The following ADAP1 variants were observed in gnomAD, a reference collection of about 807,000 sequenced individuals.
The protein encoded by ADAP1 is ArfGAP with dual PH domains 1, also known as arf-GAP with dual PH domain-containing protein 1.
ADAP1 carries 31 observed loss-of-function variants against 54.9 expected under a neutral mutation model. That is an observed-to-expected ratio of 0.56 (90% CI 0.42 to 0.76). ADAP1 has a LOEUF of 0.76. Among genes scored for constraint, ADAP1 ranks in the 30% least tolerant of loss-of-function variants. The probability of loss-of-function intolerance (pLI) is 0.00; values close to 1 mark genes in which losing one functional copy is unlikely to be tolerated. For synonymous variants in ADAP1, 313 were observed against 202.6 expected, an observed-to-expected ratio of 1.55 and a Z score of -4.63; for missense variants, 535 against 512.4, an observed-to-expected ratio of 1.04 and a Z score of -0.42.
chr7:935,649 C>T, intron 1 of ADAP1, 144 bp from the exon 2 acceptor site: 3 of 1,034,550 alleles, frequency 2.9e-6, no homozygotes, highest in South Asian at 1.7e-5. Context: ...CTCCGTGCGC[C>T]CCACAGGCAC....
chr7:935,245 C>A, intron 2 of ADAP1, 130 bp downstream of exon 2: 1 of 1,338,402 alleles, frequency 7.5e-7, no homozygotes, highest in Admixed American at 2.1e-5. Flanking sequence ...CGGGTCCAGC[C>A]AGCCAGGCCC....
chr7:908,001 G>C (rs1331851874), intron 4 of ADAP1, among the ~76,000 whole-genome samples: 1 of 152,172 alleles, frequency 6.6e-6, no homozygotes, highest in Non-Finnish European at 1.5e-5. Flanking sequence ...GGGGCCGTCT[G>C]CTGAGCATCC....
In ADAP1 at chr7:901,079, G is replaced by A. The variant is rs1029897452; in HGVS notation, c.649-463C>T. The A allele has an allele frequency of 6.4e-6, 3 of 469,448 alleles. 1 individual carries two copies. The highest frequency in any genetic ancestry group is 3.1e-5 in the South Asian group (2 of 64,486). 29.1% of individuals were successfully genotyped at this position (469,448 alleles called of 1,614,324 possible). A position where few individuals can be genotyped will look rare whatever the true frequency, so the allele number is the denominator to read the frequency against. ...GGCTCATCTGTTTATAAACGCCCTT[G>A]GAGCTGTGGCCCCTACCGAGAGTGG... On this transcript the variant is annotated intron_variant, in intron 6 of 10. Coordinates refer to ENST00000265846, the MANE Select transcript of ADAP1 (RefSeq NM_006869.4).
At chr7:941,215 G>T (rs574847988) in intron 1 of ADAP1, among the ~76,000 whole-genome samples, 2 of 152,322 alleles carry the variant, frequency 1.3e-5, no homozygotes, top group Non-Finnish European at 2.9e-5. Flanking sequence ...ATTCAAGGGA[G>T]AATGACTGAC....
At chr7:937,776 C>G (rs1422730087) in intron 1 of ADAP1, among the ~76,000 whole-genome samples, 3 of 149,140 alleles carry the variant, frequency 2.0e-5, no homozygotes, top group Admixed American at 6.7e-5. Flanking sequence ...CGCTGCACAT[C>G]TGGGATTTGG....
chr7:908,260 C>T (rs1845563059), intron 4 of ADAP1, among the ~76,000 whole-genome samples: 1 of 152,212 alleles, frequency 6.6e-6, no homozygotes, highest in Non-Finnish European at 1.5e-5. Context: ...AAGCCCCCTG[C>T]TCCCCAGCAT....
chr7:921,004 G>T, intron 3 of ADAP1: 1 of 769,450 alleles, frequency 1.3e-6, no homozygotes, highest in Admixed American at 2.6e-5. Flanking sequence ...GTCCCAGCTG[G>T]GTCTCTGGCC....
chr7:909,781 T>G (rs575478370), intron 4 of ADAP1, among the ~76,000 whole-genome samples: 1 of 152,236 alleles, frequency 6.6e-6, no homozygotes, highest in East Asian at 1.9e-4. Context: ...ACTCGACCAG[T>G]ATTTATCAAA....
intron 6 of ADAP1, among the ~76,000 whole-genome samples, chr7:902,477 AAAAG>A (rs993634932): frequency 2.1e-5 from 3 of 142,558 alleles, no homozygotes; most frequent in East Asian, 2.0e-4. Flanking sequence ...AAAAAGAAAG[AAAAG>A]AAAGAAAGAA....
At chr7:944,675 C>A (rs1052725464) in intron 1 of ADAP1, among the ~76,000 whole-genome samples, 1 of 152,206 alleles carries the variant, frequency 6.6e-6, no homozygotes, top group Admixed American at 6.5e-5. Context: ...ACGGCAAACA[C>A]GGCACCCATC....
chr7:906,512 GA>G (rs1194539327), intron 4 of ADAP1, among the ~76,000 whole-genome samples: 4 of 55,518 alleles, frequency 7.2e-5, no homozygotes, highest in Non-Finnish European at 1.2e-4. Context: ...AGGGAGAAAG[GA>G]GAAAGGAGAA....
intron 4 of ADAP1, among the ~76,000 whole-genome samples, chr7:910,009 G>C (rs1454244110): frequency 6.6e-6 from 1 of 152,226 alleles, no homozygotes; most frequent in East Asian, 1.9e-4. Flanking sequence ...GCACGGCTAA[G>C]AGCAGGAAAG....
chr7:901,420 A>G (rs1397305629), intron 6 of ADAP1: 1 of 178,388 alleles, frequency 5.6e-6, no homozygotes, highest in Non-Finnish European at 1.2e-5. Flanking sequence ...CTGCCCAGGA[A>G]GAGCCAGGGA....
chr7:902,127 G>A (rs538299308), intron 6 of ADAP1, among the ~76,000 whole-genome samples: 1 of 151,362 alleles, frequency 6.6e-6, no homozygotes, highest in South Asian at 2.1e-4. Flanking sequence ...TTGGACACCA[G>A]CCTGACCAAC....
In ADAP1 at chr7:945,696, T is replaced by A. The variant is rs1847119437; in HGVS notation, c.82+8700A>T. 3 of 972,872 alleles carry A rather than the reference T, an allele frequency of 3.1e-6. No homozygotes were observed. In the African/African-American group the frequency reaches 5.3e-5, roughly 17 times the overall value. The allele number at this position is 972,872 out of a possible 1,614,324, so 60.3% of individuals were successfully genotyped here. On this transcript the variant is annotated intron_variant, in intron 1 of 10. Transcript: ENST00000265846. This position sits in a 1 kb window ranked among gnomAD's most constrained non-coding sequence, Gnocchi z 4.2. ...AGCACCGTCTCCAGGAGCTGCCTCCTCCTCGGAGACTGCCCACAGCCGCCA... is the reference window on the plus strand; with the variant it reads ...AGCACCGTCTCCAGGAGCTGCCTCCACCTCGGAGACTGCCCACAGCCGCCA...
intron 4 of ADAP1, among the ~76,000 whole-genome samples, chr7:908,973 G>T (rs1583141465): frequency 6.6e-6 from 1 of 152,312 alleles, no homozygotes; most frequent in East Asian, 1.9e-4. Flanking sequence ...CCACAGGGTG[G>T]GGACGCGCCC....
Position 904,026 on chromosome 7 carries a change from T to TACC in ADAP1, c.648+97_648+99dup, listed in dbSNP as rs992854003. ...TCTCATGCCGCCTAGCTCAAGTGCC[T>TACC]ACCCTCCCGTACCGTCCAAGCACCC... On this transcript the variant is annotated intron_variant, in intron 6 of 10. Transcript: ENST00000265846. The TACC allele has an allele frequency of 7.3e-5, 108 of 1,481,776 alleles. No individual in the cohort carries two copies. In the African/African-American group the frequency reaches 1.4e-3, roughly 19 times the overall value. The allele number at this position is 1,481,776 out of a possible 1,614,324, so 91.8% of individuals were successfully genotyped here. A position where few individuals can be genotyped will look rare whatever the true frequency, so the allele number is the denominator to read the frequency against.
chr7:943,229 G>T (rs1265394567), intron 1 of ADAP1, among the ~76,000 whole-genome samples: 82 of 44,978 alleles, frequency 1.8e-3, no homozygotes, highest in African/African-American at 0.011. Flanking sequence ...AGAGAGAGGA[G>T]GAGGAAGGGA....
intron 4 of ADAP1, among the ~76,000 whole-genome samples, chr7:908,711 G>T (rs1178697176): frequency 2.0e-5 from 3 of 152,240 alleles, no homozygotes; most frequent in African/African-American, 4.8e-5. Flanking sequence ...CGTGGCTGAG[G>T]GTGGACGCCG....
Sources: allele counts gnomAD v4.1 joint callset (sites outside exome capture counted in the v4.1 genomes callset), GRCh38; gene constraint gnomAD v4.1.1; non-coding constraint Gnocchi (gnomAD v3.1); transcripts MANE v1.5; gene names NCBI Gene and HGNC (gene_info 2026-07-23, HGNC 2026-07-21).